Variants in NFE2L1 observed in about 807,000 individuals in gnomAD.
NFE2L1 encodes NFE2 like bZIP transcription factor 1.
A neutral mutation model predicts 61.6 loss-of-function variants in NFE2L1; 18 were observed. That is an observed-to-expected ratio of 0.29 (90% confidence interval 0.20 to 0.43). NFE2L1 has a LOEUF of 0.43. Ranked by LOEUF, NFE2L1 falls within the 20% of genes least tolerant of loss-of-function variation. NFE2L1 has a pLI of 1.00. For missense variants in NFE2L1, 827 were observed against 973.5 expected (o/e 0.85, Z 2.00); for synonymous variants, 419 against 402.7 (o/e 1.04, Z -0.48).
chr17:48,059,050 A>G lies in NFE2L1; in HGVS notation c.1728A>G (p.Thr576=), dbSNP rs778333213. The stretch of plus-strand genomic sequence containing the variant: ...TGGAGCACGTGGGCCACAACCACAC[A>G]TACAACATGGCACCCAGTGCCCTGG... ...PYLEHVGHNH[T]YNMAPSALDS... is the part of the protein sequence containing the mutation. The change falls in exon 6 of 6, where the codon ACA becomes ACG. Residue 576 remains threonine, a synonymous_variant. Transcript: ENST00000362042. The surrounding 1 kb of genome is among the most constrained non-coding windows in gnomAD (Gnocchi z 6.1). The G allele has an allele frequency of 6.2e-7, 1 of 1,614,074 alleles. No individual in the cohort carries two copies. Among genetic ancestry groups the G allele is most frequent in the Non-Finnish European group, 8.5e-7 (1 of 1,180,034 alleles).
chr17:48,059,044 C>T lies in NFE2L1; in HGVS notation c.1722C>T (p.Asn574=). 1 of 1,614,094 alleles carries T rather than the reference C, an allele frequency of 6.2e-7. No individual in the cohort carries two copies. Among genetic ancestry groups the T allele is most frequent in the Non-Finnish European group, 8.5e-7 (1 of 1,180,036 alleles). ...CCTACCTGGAGCACGTGGGCCACAA[C>T]CACACATACAACATGGCACCCAGTG... ...CLPYLEHVGH[N]HTYNMAPSAL... The change falls in exon 6 of 6, where the codon AAC becomes AAT. Residue 574 remains asparagine (N), a synonymous_variant. Coordinates refer to ENST00000362042, the MANE Select transcript of NFE2L1 (RefSeq NM_003204.3). This position sits in a 1 kb window ranked among gnomAD's most constrained non-coding sequence, Gnocchi z 6.1.
chr17:48,058,776 A>G lies in NFE2L1; in HGVS notation c.1454A>G (p.His485Arg), dbSNP rs1474516302. 1.9e-6 allele frequency: 3 copies of G among 1,614,076 alleles called. No homozygotes were observed. Among genetic ancestry groups the G allele is most frequent in the East Asian group, 4.5e-5 (2 of 44,894 alleles). The part of the protein sequence containing the change: ...SDSGLSLDSS[H>R]SPSSLSSSEG... ...TCAGGCCTTTCCTTAGACTCGAGCC[A>G]TAGCCCTTCTTCCCTAAGCAGCTCT... Residue 485 changes from histidine to arginine, a missense_variant, in exon 6 of 6, where the codon CAT becomes CGT. His to Arg is a conservative substitution (Grantham distance 29). Coordinates refer to ENST00000362042, the MANE Select transcript of NFE2L1 (RefSeq NM_003204.3).
At position 48,058,292 on chromosome 17, in the gene NFE2L1, C is replaced by T; in HGVS notation, c.973-3C>T. On this transcript the variant is annotated splice_region_variant and splice_polypyrimidine_tract_variant and intron_variant, in intron 5 of 5. Transcript: ENST00000362042. Reference sequence around the variant, plus strand: ...GAACAGTGGTGCTCTTCTCCCCTCCCAGGCCATGGAAGTGAACACATCAGC... The same window carrying T: ...GAACAGTGGTGCTCTTCTCCCCTCCTAGGCCATGGAAGTGAACACATCAGC... 1 of 1,562,478 alleles carries T rather than the reference C, an allele frequency of 6.4e-7. No homozygotes were observed. Among genetic ancestry groups the T allele is most frequent in the African/African-American group, 1.4e-5 (1 of 73,874 alleles).
rs1243336229 is a variant in NFE2L1, at chr17:48,060,730, C to T, written c.*1089C>T. 6.5e-6 allele frequency: 1 copy of T among 152,674 alleles called. No homozygotes were observed. Among genetic ancestry groups the T allele is most frequent in the Non-Finnish European group, 1.5e-5 (1 of 68,070 alleles). 9.5% of individuals were successfully genotyped at this position (152,674 alleles called of 1,614,324 possible). On this transcript the variant is annotated 3_prime_UTR_variant, in exon 6 of 6. Transcript: ENST00000362042. ...AGTCACCCTTCCCTCGGGCCTCTGC[C>T]TACCAACAACTGGGCTTATCACTGG...
At position 48,051,490 on chromosome 17, in the gene NFE2L1, C is replaced by T. The variant is rs372578951; in HGVS notation, c.372C>T (p.Leu124=). The T allele has an allele frequency of 7.4e-6, 12 of 1,613,974 alleles. No homozygotes were observed. The highest frequency in any genetic ancestry group is 1.6e-4 in the Middle Eastern group (1 of 6,084). The stretch of plus-strand genomic sequence containing the variant: ...GTCAGCCCAACTCAGGCCTCGCCCT[C>T]GAGAGTTCCAGTGGCCTCCAAGATG... ...SGSQPNSGLA[L]ESSSGLQDVT... is the part of the protein sequence containing the mutation. The change falls in exon 2 of 6, where the codon CTC becomes CTT. Residue 124 remains leucine, a synonymous_variant. Transcript: ENST00000362042.
intron 2 of NFE2L1, among the ~76,000 whole-genome samples, chr17:48,051,962 A>T (rs1339106887): frequency 6.6e-6 from 1 of 152,076 alleles, no homozygotes; most frequent in Non-Finnish European, 1.5e-5. Flanking sequence ...GCTTTGATGC[A>T]GTGTACATCT....
At chr17:48,052,941 C>T (rs2144360335) in intron 2 of NFE2L1, among the ~76,000 whole-genome samples, 1 of 152,316 alleles carries the variant, frequency 6.6e-6, no homozygotes, top group South Asian at 2.1e-4. Context: ...CTAGGATTAT[C>T]TGAGCGCAGG....
At position 48,061,099 on chromosome 17, in the gene NFE2L1, C is replaced by G. The variant is rs949726521; in HGVS notation, c.*1458C>G. The G allele has an allele frequency of 6.6e-6, 1 of 152,618 alleles. No individual in the cohort carries two copies. Among genetic ancestry groups the G allele is most frequent in the African/African-American group, 2.4e-5 (1 of 41,470 alleles). The allele number at this position is 152,618 out of a possible 1,614,324, so 9.5% of individuals were successfully genotyped here. A position where few individuals can be genotyped will look rare whatever the true frequency, so the allele number is the denominator to read the frequency against. On this transcript the variant is annotated 3_prime_UTR_variant, in exon 6 of 6. Coordinates refer to ENST00000362042, the MANE Select transcript of NFE2L1 (RefSeq NM_003204.3). ...CTCTCAGCCACAGGCAGCTTCTCCA[C>G]AGCCCCAGCTTCGCACAGGCTCCTG...
intron 2 of NFE2L1, among the ~76,000 whole-genome samples, chr17:48,052,513 A>T (rs1306719631): frequency 6.6e-6 from 1 of 152,204 alleles, no homozygotes; most frequent in Non-Finnish European, 1.5e-5. Context: ...TGGAGGTGGC[A>T]TGTGAAGGAA....
At chr17:48,057,247 G>T in intron 4 of NFE2L1, 97 bp from the exon 5 acceptor site, 4 of 1,589,898 alleles carry the variant, frequency 2.5e-6, no homozygotes, top group South Asian at 1.1e-5. Flanking sequence ...TAAATGCAGA[G>T]GAAGGAAGAA....
intron 2 of NFE2L1, among the ~76,000 whole-genome samples, chr17:48,052,062 C>T (rs1239875823): frequency 2.0e-5 from 3 of 152,114 alleles, no homozygotes; most frequent in Non-Finnish European, 2.9e-5. Context: ...TCCTTTGTGG[C>T]GAGGCCTGTT....
intron 2 of NFE2L1, chr17:48,055,277 A>G: frequency 9.0e-7 from 1 of 1,106,524 alleles, no homozygotes; most frequent in Non-Finnish European, 1.2e-6. Flanking sequence ...TGCTTTCTGG[A>G]AAGTGTATGT....
At position 48,052,068 on chromosome 17, in the gene NFE2L1, CTGT is replaced by C. The variant is rs541504782; in HGVS notation, c.510+447_510+449del. ...CTGAAGTTCTCCTTTGTGGCGAGGC[CTGT>C]TGTTGTATTGTCCTGATAATTCAGA... is the stretch of plus-strand genomic sequence containing the variant. On this transcript the variant is annotated intron_variant, in intron 2 of 5. Coordinates refer to ENST00000362042, the MANE Select transcript of NFE2L1 (RefSeq NM_003204.3). Among the ~76,000 whole-genome samples the C allele has an allele frequency of 1.1e-3, 170 of 152,242 alleles. 2 individuals are homozygous for C. Among genetic ancestry groups the C allele is most frequent in the African/African-American group, 4.0e-3 (168 of 41,512 alleles).
At position 48,058,957 on chromosome 17, in the gene NFE2L1, G is replaced by A; in HGVS notation, c.1635G>A (p.Gln545=). The A allele has an allele frequency of 6.2e-7, 1 of 1,614,046 alleles. No homozygotes were observed. Among genetic ancestry groups the A allele is most frequent in the South Asian group, 1.1e-5 (1 of 91,092 alleles). Reference sequence around the variant, plus strand: ...AGGCCGAGGGTGCTGTGGGCTACCAGCCTGAGTATTCCAAGTTCTGCCGCA... The same window carrying A: ...AGGCCGAGGGTGCTGTGGGCTACCAACCTGAGTATTCCAAGTTCTGCCGCA... ...LEEAEGAVGY[Q]PEYSKFCRMS... is the part of the protein sequence containing the mutation. The change falls in exon 6 of 6, where the codon CAG becomes CAA. Residue 545 remains glutamine (Q), a synonymous_variant. Coordinates refer to ENST00000362042, the MANE Select transcript of NFE2L1 (RefSeq NM_003204.3).
chr17:48,058,631 C>T lies in NFE2L1; in HGVS notation c.1309C>T (p.Pro437Ser). The change falls in exon 6 of 6, where the codon CCT (proline) becomes TCT (serine). Residue 437 changes from proline (P) to serine (S), a missense_variant. Around this residue, in one of 3 missense-constraint regions of NFE2L1, gnomAD observed 667 missense variants for 748.4 expected, o/e 0.89. Coordinates refer to ENST00000362042, the MANE Select transcript of NFE2L1 (RefSeq NM_003204.3). ...NDTAGPELPDPLGGLLDEAML... is the reference protein window; with the variant it reads ...NDTAGPELPDSLGGLLDEAML... ...CACAGCAGGCCCAGAGCTGCCTGAC[C>T]CTTTGGGGGGTCTGTTAGATGAAGC... is the stretch of plus-strand genomic sequence containing the variant. 3 of 1,614,130 alleles carry T rather than the reference C, an allele frequency of 1.9e-6. No homozygotes were observed. In the African/African-American group the frequency reaches 4.0e-5, roughly 22 times the overall value.
At chr17:48,048,956 G>A (rs2037164943) in intron 1 of NFE2L1, 1 of 152,670 alleles carries the variant, frequency 6.6e-6, no homozygotes, top group Non-Finnish European at 1.5e-5. Context: ...AACTTAATTG[G>A]CTCCTGGGAG....
chr17:48,055,595 A>G (rs2037380686), intron 2 of NFE2L1, among the ~76,000 whole-genome samples: 1 of 147,958 alleles, frequency 6.8e-6, no homozygotes, highest in African/African-American at 2.4e-5. Context: ...GAATGAGAGC[A>G]CTGGTGTAGG....
intron 1 of NFE2L1, 170 bp downstream of exon 1, chr17:48,048,632 G>C (rs927272120): frequency 2.6e-5 from 4 of 152,722 alleles, no homozygotes; most frequent in Non-Finnish European, 5.8e-5. Flanking sequence ...GGGGCCGAGA[G>C]GAAAGCTGGC....
intron 2 of NFE2L1, 103 bp from the exon 3 acceptor site, chr17:48,056,283 C>A: frequency 1.5e-6 from 2 of 1,368,458 alleles, no homozygotes; most frequent in South Asian, 1.3e-5. Context: ...GGAGGGGCCC[C>A]ACCCAGGACT....
Sources: gnomAD v4.1 joint callset for allele counts (sites outside exome capture counted in the v4.1 genomes callset) on GRCh38, gnomAD v4.1.1 for gene constraint, gnomAD v4.1.1 regional missense constraint, Gnocchi (gnomAD v3.1) non-coding constraint, MANE v1.5 for transcripts, NCBI Gene and HGNC (gene_info 2026-07-23, HGNC 2026-07-21) for gene names.